LRRC58: variants seen among roughly 807,000 people sequenced by gnomAD.
LRRC58 encodes the protein leucine rich repeat containing 58, also known as leucine-rich repeat-containing protein 58.
Under a neutral mutation model 30.6 loss-of-function variants are expected in LRRC58, and 18 were observed. The observed-to-expected ratio is 0.59, with a 90% CI of 0.41 to 0.87. LRRC58 has a LOEUF of 0.87. Among genes scored for constraint, LRRC58 ranks in the 40% least tolerant of loss-of-function variants. LRRC58 has a pLI of 0.00. For missense variants in LRRC58, 420 were observed against 468.4 expected, an observed-to-expected ratio of 0.90 and a Z score of 0.95; for synonymous variants, 221 against 206.0, an observed-to-expected ratio of 1.07 and a Z score of -0.62.
chr3:120,334,805 T>C, intron 3 of LRRC58, 57 bp downstream of exon 3: 1 of 1,452,674 alleles, frequency 6.9e-7, no homozygotes, highest in South Asian at 1.4e-5. Flanking sequence ...AAAGAAGACT[T>C]AATTAATTTA....
intron 1 of LRRC58, among the ~76,000 whole-genome samples, chr3:120,346,388 A>C (rs1232422881): frequency 6.6e-6 from 1 of 152,222 alleles, no homozygotes; most frequent in African/African-American, 2.4e-5. Context: ...CACAGACCAC[A>C]GAGGTCAAAT....
rs553542091 is a variant in LRRC58 at position 120,348,109 on chromosome 3, G to A, written c.500+635C>T. Among the ~76,000 whole-genome samples the A allele has an allele frequency of 3.9e-5, 6 of 152,298 alleles. No individual in the cohort carries two copies. In the South Asian group the frequency reaches 1.0e-3, roughly 26 times the overall value. On this transcript the variant is annotated intron_variant, in intron 1 of 3. Transcript: ENST00000295628. ...AAGGAATCACAGAGATGATTAACTT[G>A]AGATAGCTTTTGAAGGATGATAGGC... is the stretch of plus-strand genomic sequence containing the variant.
rs537313284 is a variant in LRRC58, at chr3:120,328,885, A to G, written c.*2315T>C. 8.0e-4 allele frequency: 122 copies of G among 152,336 alleles called. No homozygotes were observed. Among genetic ancestry groups the G allele is most frequent in the African/African-American group, 2.6e-3 (108 of 41,588 alleles). 9.4% of individuals were successfully genotyped at this position (152,336 alleles called of 1,614,324 possible). ...TATGCTGATCATAGAGTTTTCAACTATACATAGAACCATAACATTTTGTTG... is the reference window on the plus strand; with the variant it reads ...TATGCTGATCATAGAGTTTTCAACTGTACATAGAACCATAACATTTTGTTG... On this transcript the variant is annotated 3_prime_UTR_variant, in exon 4 of 4. Coordinates refer to ENST00000295628, the MANE Select transcript of LRRC58 (RefSeq NM_001099678.2).
chr3:120,338,584 TAGG>T (rs751714737), intron 1 of LRRC58, among the ~76,000 whole-genome samples: 14 of 152,292 alleles, frequency 9.2e-5, no homozygotes, highest in South Asian at 2.1e-4. Context: ...AAGTTTCTCT[TAGG>T]AGATGACATC....
At chr3:120,333,304 T>C (rs1179312210) in intron 3 of LRRC58, among the ~76,000 whole-genome samples, 1 of 152,168 alleles carries the variant, frequency 6.6e-6, no homozygotes, top group African/African-American at 2.4e-5. Flanking sequence ...GAGGTCCATT[T>C]CCAGAAAAGC....
Position 120,325,056 on chromosome 3 carries a change from A to G in LRRC58, c.*6144T>C, listed in dbSNP as rs1935654899. The G allele has an allele frequency of 1.3e-5, 2 of 152,142 alleles. No homozygotes were observed. The highest frequency in any genetic ancestry group is 2.9e-5 in the Non-Finnish European group (2 of 68,004). 9.4% of individuals were successfully genotyped at this position (152,142 alleles called of 1,614,324 possible). ...GCTGCTTATCTAAAACTTTTCTCCC[A>G]TTATGTTTTTGTTTCTCATGAATAC... On this transcript the variant is annotated 3_prime_UTR_variant, in exon 4 of 4. Coordinates refer to ENST00000295628, the MANE Select transcript of LRRC58 (RefSeq NM_001099678.2).
At chr3:120,334,100 T>C (rs1935798748) in intron 3 of LRRC58, among the ~76,000 whole-genome samples, 2 of 152,214 alleles carry the variant, frequency 1.3e-5, no homozygotes, top group South Asian at 4.1e-4. Flanking sequence ...CTTAAAAGAA[T>C]ATAAAGTTTT....
intron 1 of LRRC58, among the ~76,000 whole-genome samples, chr3:120,341,200 C>A (rs560800511): frequency 1.3e-5 from 2 of 152,078 alleles, no homozygotes; most frequent in Non-Finnish European, 2.9e-5. Context: ...ACTCAGAAAT[C>A]CTTATTTTTC....
At chr3:120,343,389 G>T (rs751728951) in intron 1 of LRRC58, among the ~76,000 whole-genome samples, 31 of 152,056 alleles carry the variant, frequency 2.0e-4, no homozygotes, top group Non-Finnish European at 3.8e-4. Flanking sequence ...TGTTGAATTT[G>T]TAGCAAAACT....
At position 120,348,999 on chromosome 3, in the gene LRRC58, G is replaced by A. The variant is rs1337616083; in HGVS notation, c.245C>T (p.Ala82Val). 5 of 1,521,606 alleles carry A rather than the reference G, an allele frequency of 3.3e-6. No homozygotes were observed. The highest frequency in any genetic ancestry group is 4.4e-6 in the Non-Finnish European group (5 of 1,141,574). 94.3% of individuals were successfully genotyped at this position (1,521,606 alleles called of 1,614,324 possible). A position where few individuals can be genotyped will look rare whatever the true frequency, so the allele number is the denominator to read the frequency against. ...LLDVSGNALT[A>V]LGPELLALRG... Reference sequence around the variant, plus strand: ...CAGAGCGAGCAGCTCCGGCCCGAGCGCGGTCAACGCGTTGCCGCTCACGTC... The same window carrying A: ...CAGAGCGAGCAGCTCCGGCCCGAGCACGGTCAACGCGTTGCCGCTCACGTC... The change falls in exon 1 of 4, where the codon GCG becomes GTG. Residue 82 changes from alanine (A) to valine (V), a missense_variant. Physicochemically the swap from Ala to Val is moderately conservative, Grantham distance 64. Coordinates refer to ENST00000295628, the MANE Select transcript of LRRC58 (RefSeq NM_001099678.2).
chr3:120,348,921 G>A lies in LRRC58; in HGVS notation c.323C>T (p.Ala108Val). The change falls in exon 1 of 4, where the codon GCG becomes GTG. Residue 108 changes from alanine to valine, a missense_variant. Physicochemically the swap from Ala to Val is moderately conservative, Grantham distance 64. Coordinates refer to ENST00000295628, the MANE Select transcript of LRRC58 (RefSeq NM_001099678.2). ...AKNNRLGGPS[A>V]LPKGLAQSPL... is the part of the protein sequence containing the mutation. ...CGACTGGGCCAGGCCCTTGGGCAGCGCACTGGGCCCGCCGAGCCGGTTGTT... is the reference window on the plus strand; with the variant it reads ...CGACTGGGCCAGGCCCTTGGGCAGCACACTGGGCCCGCCGAGCCGGTTGTT... The A allele has an allele frequency of 6.4e-7, 1 of 1,551,170 alleles. No individual in the cohort carries two copies. Among genetic ancestry groups the A allele is most frequent in the Non-Finnish European group, 8.7e-7 (1 of 1,149,762 alleles).
chr3:120,336,862 T>C (rs1935841648), intron 1 of LRRC58, among the ~76,000 whole-genome samples: 1 of 147,828 alleles, frequency 6.8e-6, no homozygotes, highest in African/African-American at 2.5e-5. Flanking sequence ...AAAAAATATA[T>C]ATTTATATAT....
In LRRC58 at chr3:120,343,590, C is replaced by T. The variant is rs1015074669; in HGVS notation, c.500+5154G>A. Among the ~76,000 whole-genome samples the T allele has an allele frequency of 6.6e-5, 10 of 152,318 alleles. No individual in the cohort carries two copies. The East Asian group carries it at 7.7e-4, about 12-fold the overall frequency. On this transcript the variant is annotated intron_variant, in intron 1 of 3. Transcript: ENST00000295628. ...AAATTGTCTCTTGAAAAATGAATCA[C>T]GTTTCCAATCCTTAGGGATACTGCA...
chr3:120,337,013 GA>G (rs527325887), intron 1 of LRRC58, among the ~76,000 whole-genome samples: 178 of 152,034 alleles, frequency 1.2e-3, no homozygotes, highest in African/African-American at 4.2e-3. Flanking sequence ...AAATGTGGGA[GA>G]AAACAGCCTA....
At position 120,334,868 on chromosome 3, in the gene LRRC58, A is replaced by G. The variant is rs1935812174; in HGVS notation, c.901T>C (p.Cys301Arg). The G allele has an allele frequency of 1.2e-6, 2 of 1,612,712 alleles. No individual in the cohort carries two copies. Among genetic ancestry groups the G allele is most frequent in the Non-Finnish European group, 1.7e-6 (2 of 1,179,206 alleles). ...GSASNCPNPKCGGVYFDCCVR... is the reference protein window; with the variant it reads ...GSASNCPNPKRGGVYFDCCVR... Reference sequence around the variant, plus strand: ...GAATACTGAATTAACTTACCTCCACACTTTGGGTTTGGGCAATTGCTGGCT... The same window carrying G: ...GAATACTGAATTAACTTACCTCCACGCTTTGGGTTTGGGCAATTGCTGGCT... The change falls in exon 3 of 4, where the codon TGT (cysteine) becomes CGT (arginine). Residue 301 changes from cysteine to arginine, a missense_variant. By Grantham distance (180) the Cys-to-Arg change is radical. Around this residue, in one of 2 missense-constraint regions of LRRC58, gnomAD observed 154 missense variants for 216.8 expected, o/e 0.71. Coordinates refer to ENST00000295628, the MANE Select transcript of LRRC58 (RefSeq NM_001099678.2).
chr3:120,342,093 C>T (rs1576184302), intron 1 of LRRC58, among the ~76,000 whole-genome samples: 4 of 152,170 alleles, frequency 2.6e-5, no homozygotes. Context: ...TCTCCAGCCC[C>T]CGCTCCCATC....
At chr3:120,342,793 C>T (rs1935920309) in intron 1 of LRRC58, among the ~76,000 whole-genome samples, 1 of 152,212 alleles carries the variant, frequency 6.6e-6, no homozygotes, top group Non-Finnish European at 1.5e-5. Context: ...TCCCAGAGAT[C>T]CCGTAACAAT....
chr3:120,328,746 G>C lies in LRRC58; in HGVS notation c.*2454C>G, dbSNP rs1935715558. On this transcript the variant is annotated 3_prime_UTR_variant, in exon 4 of 4. Coordinates refer to ENST00000295628, the MANE Select transcript of LRRC58 (RefSeq NM_001099678.2). ...AAAGGAAAGGTAGGAAAAAGAAACAGGGAAAATCTTAGAAATTATTAGCTG... is the reference window on the plus strand; with the variant it reads ...AAAGGAAAGGTAGGAAAAAGAAACACGGAAAATCTTAGAAATTATTAGCTG... The C allele has an allele frequency of 6.6e-6, 1 of 152,108 alleles. No homozygotes were observed. The highest frequency in any genetic ancestry group is 1.5e-5 in the Non-Finnish European group (1 of 67,984). 9.4% of individuals were successfully genotyped at this position (152,108 alleles called of 1,614,324 possible).
chr3:120,327,411 C>T lies in LRRC58; in HGVS notation c.*3789G>A, dbSNP rs1330678022. On this transcript the variant is annotated 3_prime_UTR_variant, in exon 4 of 4. Transcript: ENST00000295628. ...GGACTACAGGCGCCCGCCATCACGC[C>T]CGGCTAATTTTTTTTTGTATTTTTA... 3.3e-5 allele frequency: 5 copies of T among 151,010 alleles called. No homozygotes were observed. Among genetic ancestry groups the T allele is most frequent in the African/African-American group, 1.2e-4 (5 of 41,050 alleles). 9.4% of individuals were successfully genotyped at this position (151,010 alleles called of 1,614,324 possible).
Sources: gnomAD v4.1 joint callset for allele counts (sites outside exome capture counted in the v4.1 genomes callset) on GRCh38, gnomAD v4.1.1 for gene constraint, gnomAD v4.1.1 regional missense constraint, MANE v1.5 for transcripts, NCBI Gene and HGNC (gene_info 2026-07-23, HGNC 2026-07-21) for gene names.